VTI1A: variants seen among roughly 807,000 people sequenced by gnomAD.
VTI1A encodes vesicle transport through interaction with t-SNAREs homolog 1A.
A neutral mutation model predicts 34.9 loss-of-function variants in VTI1A; 22 were observed. The ratio of observed to expected loss-of-function variants is 0.63; its 90% CI spans 0.45 to 0.90. VTI1A has a LOEUF of 0.90. Ranked by LOEUF, VTI1A falls within the 40% of genes least tolerant of loss-of-function variation. The pLI is 0.00. For synonymous variants in VTI1A, 87 were observed against 97.3 expected (o/e 0.89, Z 0.62); for missense variants, 268 against 275.6 (o/e 0.97, Z 0.20).
At chr10:112,783,022 A>G (rs1464354576) in intron 7 of VTI1A, among the ~76,000 whole-genome samples, 2 of 150,964 alleles carry the variant, frequency 1.3e-5, no homozygotes, top group Admixed American at 1.3e-4. Flanking sequence ...CACCAAAAAA[A>G]GTAGACACGA....
intron 4 of VTI1A, among the ~76,000 whole-genome samples, chr10:112,528,285 T>C (rs1182763443): frequency 6.6e-6 from 1 of 152,192 alleles, no homozygotes; most frequent in East Asian, 1.9e-4. Context: ...TCTATTATAC[T>C]ATAATCTGTA....
chr10:112,841,104 C>A, the VTI1A span, among the ~76,000 whole-genome samples: 1,132 of 152,250 alleles, frequency 7.4e-3, 11 homozygotes, highest in Non-Finnish European at 0.01. Context: ...GCACACCCCC[C>A]AGAGCGAACC....
At chr10:112,550,981 C>G (rs368454275) in intron 5 of VTI1A, among the ~76,000 whole-genome samples, 1 of 152,126 alleles carries the variant, frequency 6.6e-6, no homozygotes, top group African/African-American at 2.4e-5. Flanking sequence ...CGGTGGCTCA[C>G]GCCTGTAATC....
At chr10:112,763,449 A>G (rs889261296) in intron 7 of VTI1A, among the ~76,000 whole-genome samples, 1 of 151,836 alleles carries the variant, frequency 6.6e-6, no homozygotes, top group Non-Finnish European at 1.5e-5. Context: ...AAAAAAAAAA[A>G]AAAAAGGTAC....
intron 7 of VTI1A, among the ~76,000 whole-genome samples, chr10:112,814,164 G>A (rs763209351): frequency 6.6e-6 from 1 of 152,198 alleles, no homozygotes; most frequent in African/African-American, 2.4e-5. Context: ...CAAAGTAGGG[G>A]TGTGGGGTCT....
chr10:112,509,717 T>A (rs972826132), intron 3 of VTI1A, among the ~76,000 whole-genome samples: 1 of 152,098 alleles, frequency 6.6e-6, no homozygotes, highest in Non-Finnish European at 1.5e-5. Flanking sequence ...TTGTTAAGAG[T>A]CCTCACGTCT....
At chr10:112,788,871 T>C (rs1324432406) in intron 7 of VTI1A, among the ~76,000 whole-genome samples, 2 of 152,096 alleles carry the variant, frequency 1.3e-5, no homozygotes, top group Non-Finnish European at 2.9e-5. Flanking sequence ...ATCTTGTAAC[T>C]TTTCATGAAC....
chr10:112,485,699 T>C (rs1248223251), intron 3 of VTI1A, among the ~76,000 whole-genome samples: 1 of 152,244 alleles, frequency 6.6e-6, no homozygotes, highest in East Asian at 1.9e-4. Context: ...CTTGACAATG[T>C]AACAAATGCA....
intron 7 of VTI1A, among the ~76,000 whole-genome samples, chr10:112,691,918 A>G (rs970876497): frequency 4.6e-5 from 7 of 152,254 alleles, no homozygotes; most frequent in African/African-American, 1.4e-4. Flanking sequence ...TAACCTTTCC[A>G]TGCATGCTGT....
chr10:112,836,527 T>C, the VTI1A span, among the ~76,000 whole-genome samples: 1 of 152,192 alleles, frequency 6.6e-6, no homozygotes, highest in African/African-American at 2.4e-5. Flanking sequence ...TTCCCTCCGC[T>C]ACCTCATAGC....
At chr10:112,799,599 A>G (rs879846558) in intron 7 of VTI1A, among the ~76,000 whole-genome samples, 2 of 152,024 alleles carry the variant, frequency 1.3e-5, no homozygotes, top group African/African-American at 2.4e-5. Context: ...AGAGGGAAGG[A>G]TATGTCTTCC....
At chr10:112,645,199 A>G (rs577066002) in intron 5 of VTI1A, among the ~76,000 whole-genome samples, 1 of 152,330 alleles carries the variant, frequency 6.6e-6, no homozygotes, top group East Asian at 1.9e-4. Context: ...TGTGGAATCT[A>G]TTTATGATAG....
intron 5 of VTI1A, among the ~76,000 whole-genome samples, chr10:112,611,422 C>A (rs965442189): frequency 6.6e-6 from 1 of 152,126 alleles, no homozygotes; most frequent in African/African-American, 2.4e-5. Context: ...TACGGCAGTT[C>A]CTTAAAAGCT....
intron 7 of VTI1A, among the ~76,000 whole-genome samples, chr10:112,748,589 G>A (rs1366264072): frequency 1.2e-5 from 1 of 85,538 alleles, no homozygotes; most frequent in Non-Finnish European, 2.4e-5. Context: ...AATGACACCT[G>A]TTACTCTTTT....
intron 7 of VTI1A, among the ~76,000 whole-genome samples, chr10:112,725,598 A>G (rs1235621499): frequency 2.0e-5 from 3 of 152,238 alleles, no homozygotes; most frequent in Admixed American, 6.5e-5. Flanking sequence ...ACAACATGGT[A>G]ATGTTCACTT....
At chr10:112,449,077 T>G (rs1847124748) in intron 1 of VTI1A, 1 of 152,230 alleles carries the variant, frequency 6.6e-6, no homozygotes, top group African/African-American at 2.4e-5. Context: ...AAGTGGCTGA[T>G]GGCCTCATCT....
At chr10:112,558,135 G>T (rs1042131421) in intron 5 of VTI1A, among the ~76,000 whole-genome samples, 1 of 152,124 alleles carries the variant, frequency 6.6e-6, no homozygotes, top group Non-Finnish European at 1.5e-5. Flanking sequence ...TTTAGTGAAT[G>T]TCTAGTCTGA....
At chr10:112,599,141 C>T (rs535128480) in intron 5 of VTI1A, among the ~76,000 whole-genome samples, 374 of 152,264 alleles carry the variant, frequency 2.5e-3, no homozygotes, top group Non-Finnish European at 4.1e-3. Context: ...GACAGAGGTC[C>T]AGGGCCACTG....
chr10:112,560,886 C>CG (rs1213758537), intron 5 of VTI1A, among the ~76,000 whole-genome samples: 4 of 152,102 alleles, frequency 2.6e-5, no homozygotes, highest in Admixed American at 2.6e-4. Flanking sequence ...CGTGAGCCAC[C>CG]GCGCCTGGCC....
Sources: allele counts gnomAD v4.1 joint callset (sites outside exome capture counted in the v4.1 genomes callset), GRCh38; gene constraint gnomAD v4.1.1; transcripts MANE v1.5; gene names NCBI Gene and HGNC (gene_info 2026-07-23, HGNC 2026-07-21).